Variants in PCDHA11 observed in about 807,000 individuals in gnomAD.
The protein encoded by PCDHA11 is protocadherin alpha 11.
A neutral mutation model predicts 70.3 loss-of-function variants in PCDHA11; 61 were observed. The observed-to-expected ratio is 0.87, with a 90% CI of 0.71 to 1.07. PCDHA11 has a LOEUF of 1.07. PCDHA11 is among the 50% of genes least tolerant of loss of function. PCDHA11 has a pLI of 0.00. For synonymous variants in PCDHA11, 633 were observed against 555.1 expected, an observed-to-expected ratio of 1.14 and a Z score of -1.97; for missense variants, 1,324 against 1,237.5, an observed-to-expected ratio of 1.07 and a Z score of -1.05.
At chr5:140,987,452 A>C (rs1430622755) in intron 3 of PCDHA11, among the ~76,000 whole-genome samples, 2 of 152,076 alleles carry the variant, frequency 1.3e-5, no homozygotes, top group Non-Finnish European at 2.9e-5. Context: ...CCCGAGAGAT[A>C]ATTGTTAAGA....
intron 1 of PCDHA11, among the ~76,000 whole-genome samples, chr5:140,950,183 GA>G (rs879992336): frequency 5.9e-5 from 9 of 151,666 alleles, no homozygotes; most frequent in African/African-American, 1.7e-4. Context: ...AATTAAGAAG[GA>G]AAAAAATAGT....
chr5:140,995,233 G>A (rs1359304274), intron 3 of PCDHA11, among the ~76,000 whole-genome samples: 1 of 152,128 alleles, frequency 6.6e-6, no homozygotes, highest in Non-Finnish European at 1.5e-5. Flanking sequence ...TTTGGGGCCA[G>A]TATTAAGTAA....
intron 3 of PCDHA11, among the ~76,000 whole-genome samples, chr5:141,007,772 G>T (rs1384054820): frequency 6.6e-6 from 1 of 152,122 alleles, no homozygotes; most frequent in Non-Finnish European, 1.5e-5. Context: ...GCCTGGAAAT[G>T]GTACTGCTTT....
chr5:140,910,053 G>C (rs2074856503), intron 1 of PCDHA11, among the ~76,000 whole-genome samples: 1 of 152,170 alleles, frequency 6.6e-6, no homozygotes, highest in Non-Finnish European at 1.5e-5. Context: ...CATAATAAGT[G>C]ATCTTTTAAC....
intron 1 of PCDHA11, chr5:140,881,263 G>A: frequency 1.7e-6 from 1 of 575,868 alleles, no homozygotes; most frequent in Non-Finnish European, 2.2e-6. Flanking sequence ...TTTACTCAGT[G>A]ATGATGAAGT....
At chr5:140,957,191 T>C (rs1302296413) in intron 1 of PCDHA11, among the ~76,000 whole-genome samples, 1 of 152,150 alleles carries the variant, frequency 6.6e-6, no homozygotes, top group Non-Finnish European at 1.5e-5. Flanking sequence ...TGATGACCGA[T>C]TGGGAATATA....
chr5:140,876,784 A>T (rs1336979041), intron 1 of PCDHA11: 1 of 1,614,094 alleles, frequency 6.2e-7, no homozygotes, highest in Non-Finnish European at 8.5e-7. Flanking sequence ...GCTGTGGGCC[A>T]CGGCTAGAGT....
At chr5:140,878,274 C>A (rs1273765492) in intron 1 of PCDHA11, among the ~76,000 whole-genome samples, 2 of 152,092 alleles carry the variant, frequency 1.3e-5, no homozygotes, top group Non-Finnish European at 2.9e-5. Context: ...TTTAAAATAG[C>A]CTTCTTGATC....
Position 140,927,866 on chromosome 5 carries a change from A to G in PCDHA11, c.2392-51083A>G, listed in dbSNP as rs1554205166. The G allele has an allele frequency of 2.5e-6, 4 of 1,614,224 alleles. No individual in the cohort carries two copies. In the Admixed American group the frequency reaches 6.7e-5, roughly 27 times the overall value. On this transcript the variant is annotated intron_variant, in intron 1 of 3. Transcript: ENST00000398640. Reference sequence around the variant, plus strand: ...GTCTTTGGTTTAGCTAGCACCGCTAAACTGCTGGTGGAGGTGACTGACGTG... The same window carrying G: ...GTCTTTGGTTTAGCTAGCACCGCTAGACTGCTGGTGGAGGTGACTGACGTG...
At chr5:140,919,945 A>G (rs1456572905) in intron 1 of PCDHA11, among the ~76,000 whole-genome samples, 1 of 151,572 alleles carries the variant, frequency 6.6e-6, no homozygotes, top group Non-Finnish European at 1.5e-5. Flanking sequence ...ATTCCAGTGA[A>G]AAGTTTGTTT....
intron 1 of PCDHA11, among the ~76,000 whole-genome samples, chr5:140,945,084 G>A (rs2093736806): frequency 6.6e-6 from 1 of 151,822 alleles, no homozygotes; most frequent in Admixed American, 6.6e-5. Context: ...AACACTCTTG[G>A]AACTAATAAA....
intron 1 of PCDHA11, among the ~76,000 whole-genome samples, chr5:140,895,090 T>A (rs2064836305): frequency 6.6e-6 from 1 of 152,190 alleles, no homozygotes; most frequent in Non-Finnish European, 1.5e-5. Flanking sequence ...CTCCTCAGTA[T>A]AGGGGTTTTT....
chr5:140,966,888 C>A, intron 1 of PCDHA11: 13 of 1,593,128 alleles, frequency 8.2e-6, no homozygotes, highest in Non-Finnish European at 1.1e-5. Context: ...GGCCCTGCGG[C>A]CTCCCAGCTG....
At chr5:140,871,523 G>T in intron 1 of PCDHA11, 29 bp downstream of exon 1, 1 of 1,546,536 alleles carries the variant, frequency 6.5e-7, no homozygotes, top group Non-Finnish European at 8.7e-7. Context: ...CCACCTATCA[G>T]GAAGTGTATG....
chr5:140,968,492 G>A (rs2096250539), intron 1 of PCDHA11: 2 of 1,614,074 alleles, frequency 1.2e-6, no homozygotes, highest in African/African-American at 1.3e-5. Flanking sequence ...GAATGACCAT[G>A]CCCCTCACAT....
At chr5:140,883,105 C>T in intron 1 of PCDHA11, 1 of 1,614,056 alleles carries the variant, frequency 6.2e-7, no homozygotes, top group Non-Finnish European at 8.5e-7. Context: ...ATATAGTTTA[C>T]TCATTTAGAA....
chr5:140,971,537 G>T (rs1414023721), intron 1 of PCDHA11, among the ~76,000 whole-genome samples: 1 of 152,136 alleles, frequency 6.6e-6, no homozygotes, highest in Non-Finnish European at 1.5e-5. Flanking sequence ...AGTCATCATT[G>T]CCAGATCAAC....
chr5:140,883,639 G>A (rs2059720248), intron 1 of PCDHA11: 1 of 1,614,016 alleles, frequency 6.2e-7, no homozygotes, highest in Non-Finnish European at 8.5e-7. Context: ...CGTTCGCGCA[G>A]CCCGAGTACA....
intron 3 of PCDHA11, among the ~76,000 whole-genome samples, chr5:140,993,514 A>T (rs1239398977): frequency 6.6e-6 from 1 of 150,498 alleles, no homozygotes; most frequent in East Asian, 1.9e-4. Flanking sequence ...ACACACGGGG[A>T]GAGAGAGACA....
Sources: gnomAD v4.1 joint callset for allele counts (sites outside exome capture counted in the v4.1 genomes callset) on GRCh38, gnomAD v4.1.1 for gene constraint, MANE v1.5 for transcripts, NCBI Gene and HGNC (gene_info 2026-07-23, HGNC 2026-07-21) for gene names.